DDX20: variants seen among roughly 807,000 people sequenced by gnomAD.
The protein encoded by DDX20 is DEAD-box helicase 20.
In DDX20, 61 loss-of-function variants were observed where a neutral mutation model predicts 76.4. The observed-to-expected ratio is 0.80, with a 90% CI of 0.65 to 0.99. The LOEUF is 0.99. DDX20 is among the 50% of genes least tolerant of loss of function. The pLI, the probability that DDX20 is intolerant of heterozygous loss-of-function variation, is 0.00. For synonymous variants in DDX20, 357 were observed against 357.4 expected, an observed-to-expected ratio of 1.00 and a Z score of 0.01; for missense variants, 976 against 996.8, an observed-to-expected ratio of 0.98 and a Z score of 0.28.
intron 10 of DDX20, among the ~76,000 whole-genome samples, chr1:111,763,944 A>C (rs1663724944): frequency 6.6e-6 from 1 of 152,214 alleles, no homozygotes; most frequent in South Asian, 2.1e-4. Context: ...TGTTATACAG[A>C]AAATGTGCAC....
At chr1:111,762,168 G>T in intron 7 of DDX20, 87 bp from the exon 8 acceptor site, 2 of 964,478 alleles carry the variant, frequency 2.1e-6, no homozygotes, top group Non-Finnish European at 3.2e-6. Flanking sequence ...GTTAAGACTG[G>T]GTGTTATGCT....
chr1:111,756,340 A>C (rs1203478073), intron 1 of DDX20, 115 bp downstream of exon 1: 3 of 1,098,014 alleles, frequency 2.7e-6, no homozygotes, highest in Non-Finnish European at 3.7e-6. Context: ...CGGCCCCCGG[A>C]GCAGGGCCCT....
At position 111,766,745 on chromosome 1, in the gene DDX20, A is replaced by G. The variant is rs751643025; in HGVS notation, c.2321A>G (p.Glu774Gly). The change falls in exon 11 of 11, where the codon GAG becomes GGG. Residue 774 changes from glutamate to glycine, a missense_variant. Physicochemically the swap from Glu to Gly is moderately conservative, Grantham distance 98. This residue lies in a region of DDX20 where 630 missense variants were observed against 693.7 expected (regional missense o/e 0.91). Coordinates refer to ENST00000369702, the MANE Select transcript of DDX20 (RefSeq NM_007204.5). ...TTTTCTGATACCTATCAGGATTATG[A>G]GGAGTACTGGAGAGCTTACTACAGG... Reference protein sequence around the residue: ...LSFSDTYQDYEEYWRAYYRAW... With the variant: ...LSFSDTYQDYGEYWRAYYRAW... The G allele has an allele frequency of 1.9e-6, 3 of 1,614,100 alleles. No homozygotes were observed. In the African/African-American group the frequency reaches 4.0e-5, roughly 22 times the overall value.
rs1174563892 is a variant in DDX20 at position 111,766,967 on chromosome 1, G to A, written c.*68G>A. ...ATACCTTTGGATATCCATCCTCCTC[G>A]ACTTATAGTACAGTGGTGTATAGTG... On this transcript the variant is annotated 3_prime_UTR_variant, in exon 11 of 11. Coordinates refer to ENST00000369702, the MANE Select transcript of DDX20 (RefSeq NM_007204.5). 2.3e-6 allele frequency: 3 copies of A among 1,286,744 alleles called. No individual in the cohort carries two copies. Among genetic ancestry groups the A allele is most frequent in the Non-Finnish European group, 3.3e-6 (3 of 917,398 alleles). 79.7% of individuals were successfully genotyped at this position (1,286,744 alleles called of 1,614,324 possible).
rs1486355426 is a variant in DDX20, at chr1:111,766,693, G to A, written c.2269G>A (p.Asp757Asn). The A allele has an allele frequency of 6.2e-7, 1 of 1,614,042 alleles. No homozygotes were observed. The highest frequency in any genetic ancestry group is 8.5e-7 in the Non-Finnish European group (1 of 1,180,002). Residue 757 changes from aspartate to asparagine, a missense_variant, in exon 11 of 11, where the codon GAC (aspartate) becomes AAC (asparagine). Coordinates refer to ENST00000369702, the MANE Select transcript of DDX20 (RefSeq NM_007204.5). The stretch of plus-strand genomic sequence containing the variant: ...TGAAGCCCAGGAAGATGATTGGTAT[G>A]ACTGTCATAGGGAAATACGTCTGAG... ...QTEAQEDDWY[D>N]CHREIRLSFS... is the part of the protein sequence containing the mutation.
At chr1:111,756,824 C>A in intron 2 of DDX20, 84 bp downstream of exon 2, 1 of 1,153,320 alleles carries the variant, frequency 8.7e-7, no homozygotes, top group Non-Finnish European at 1.3e-6. Context: ...CTCCTCAGAG[C>A]TGGAAGTGAA....
rs1663705218 is a variant in DDX20 at position 111,762,928 on chromosome 1, C to T, written c.1233C>T (p.Thr411=). Residue 411 remains threonine, a synonymous_variant, in exon 10 of 11, where the codon ACC becomes ACT. Coordinates refer to ENST00000369702, the MANE Select transcript of DDX20 (RefSeq NM_007204.5). ...GRFGTLGLTV[T]YCCRGEEENM... ...TAGGTACATTGGGGCTGACAGTGACCTACTGTTGCCGGGGAGAGGAAGAAA... is the reference window on the plus strand; with the variant it reads ...TAGGTACATTGGGGCTGACAGTGACTTACTGTTGCCGGGGAGAGGAAGAAA... 2.5e-6 allele frequency: 4 copies of T among 1,613,850 alleles called. No homozygotes were observed. Among genetic ancestry groups the T allele is most frequent in the Non-Finnish European group, 3.4e-6 (4 of 1,179,926 alleles).
chr1:111,758,022 A>AT (rs1303810315), intron 2 of DDX20, among the ~76,000 whole-genome samples: 1 of 142,658 alleles, frequency 7.0e-6, no homozygotes, highest in Non-Finnish European at 1.5e-5. Context: ...CGCCCGGCTA[A>AT]TTTTTTTGTA....
At chr1:111,764,928 A>G (rs1663747994) in intron 10 of DDX20, among the ~76,000 whole-genome samples, 1 of 152,226 alleles carries the variant, frequency 6.6e-6, no homozygotes, top group South Asian at 2.1e-4. Context: ...TAATCATAGA[A>G]TCTGTTCAGC....
In DDX20 at chr1:111,767,718, A is replaced by G. The variant is rs1288325405; in HGVS notation, c.*819A>G. The G allele has an allele frequency of 6.6e-6, 1 of 152,200 alleles. No homozygotes were observed. Among genetic ancestry groups the G allele is most frequent in the Non-Finnish European group, 1.5e-5 (1 of 68,040 alleles). 9.4% of individuals were successfully genotyped at this position (152,200 alleles called of 1,614,324 possible). A position where few individuals can be genotyped will look rare whatever the true frequency, so the allele number is the denominator to read the frequency against. ...TCCATAAGCACAGAATTGTGAGTGT[A>G]ATTTCAAGGGGTTCATAGACCCTCT... On this transcript the variant is annotated 3_prime_UTR_variant, in exon 11 of 11. Transcript: ENST00000369702.
At chr1:111,763,183 G>A (rs183016109) in intron 10 of DDX20, among the ~76,000 whole-genome samples, 176 bp downstream of exon 10, 434 of 152,276 alleles carry the variant, frequency 2.9e-3, no homozygotes, top group African/African-American at 9.3e-3. Context: ...CAATTGTTTT[G>A]TAGATGAGGA....
At chr1:111,759,780 CT>C (rs1663632517) in intron 3 of DDX20, among the ~76,000 whole-genome samples, 1 of 151,558 alleles carries the variant, frequency 6.6e-6, no homozygotes, top group East Asian at 1.9e-4. Context: ...CGAGACCATC[CT>C]GGCTAACATG....
In DDX20 at chr1:111,760,860, T is replaced by C. The variant is rs1663658781; in HGVS notation, c.823+12T>C. 1.2e-6 allele frequency: 2 copies of C among 1,600,376 alleles called. No individual in the cohort carries two copies. Among genetic ancestry groups the C allele is most frequent in the Non-Finnish European group, 1.7e-6 (2 of 1,174,718 alleles). The stretch of plus-strand genomic sequence containing the variant: ...TCCAAGTCTCATAGGTGTGTACAGC[T>C]TTTAGGTACTTATATTATTGGTTTA... On this transcript the variant is annotated intron_variant, in intron 5 of 10. Transcript: ENST00000369702.
At chr1:111,760,088 G>C (rs1663641513) in intron 3 of DDX20, among the ~76,000 whole-genome samples, 1 of 151,908 alleles carries the variant, frequency 6.6e-6, no homozygotes, top group African/African-American at 2.4e-5. Flanking sequence ...TGTTTGAGAA[G>C]ACATGGGATA....
At chr1:111,756,593 CTAAGTTGCTTCAG>C in intron 1 of DDX20, 40 bp from the exon 2 acceptor site, 1 of 1,489,028 alleles carries the variant, frequency 6.7e-7, no homozygotes, top group Non-Finnish European at 9.4e-7. Flanking sequence ...ATGTTAGCCC[CTAAGTTGCTTCAG>C]TGAGTACTGG....
Position 111,760,766 on chromosome 1 carries a change from C to G in DDX20, c.741C>G (p.Pro247=). The G allele has an allele frequency of 1.2e-6, 2 of 1,613,718 alleles. No individual in the cohort carries two copies. Among genetic ancestry groups the G allele is most frequent in the South Asian group, 2.2e-5 (2 of 90,968 alleles). Residue 247 remains proline (P), a synonymous_variant, in exon 5 of 11, where the codon CCC becomes CCG. Transcript: ENST00000369702. ...TGCTGGCAGTATCAGCTACTTATCC[C>G]GAATTTTTGGCTAATGCTTTGACAA... is the stretch of plus-strand genomic sequence containing the variant. The part of the protein sequence containing the change: ...KQMLAVSATY[P]EFLANALTKY...
rs1480656591 is a variant in DDX20, at chr1:111,759,452, T to A, written c.449T>A (p.Ile150Asn). 1.9e-6 allele frequency: 3 copies of A among 1,613,640 alleles called. No individual in the cohort carries two copies. Among genetic ancestry groups the A allele is most frequent in the Admixed American group, 3.3e-5 (2 of 59,978 alleles). Reference sequence around the variant, plus strand: ...ATTGCTGTACAGATACATTCTGTTATTACAGCCATTGGAATAAAAATGGAA... The same window carrying A: ...ATTGCTGTACAGATACATTCTGTTAATACAGCCATTGGAATAAAAATGGAA... ...REIAVQIHSVITAIGIKMEGL... is the reference protein window; with the variant it reads ...REIAVQIHSVNTAIGIKMEGL... The change falls in exon 3 of 11, where the codon ATT becomes AAT. Residue 150 changes from isoleucine to asparagine, a missense_variant. Coordinates refer to ENST00000369702, the MANE Select transcript of DDX20 (RefSeq NM_007204.5).
chr1:111,759,115 ATAAT>A (rs1478703811), intron 2 of DDX20, among the ~76,000 whole-genome samples: 1 of 152,238 alleles, frequency 6.6e-6, no homozygotes, highest in African/African-American at 2.4e-5. Flanking sequence ...GGTATTATAA[ATAAT>A]CTAGAGATGG....
intron 10 of DDX20, among the ~76,000 whole-genome samples, chr1:111,765,448 A>G (rs1663759262): frequency 6.6e-6 from 1 of 152,078 alleles, no homozygotes; most frequent in Non-Finnish European, 1.5e-5. Flanking sequence ...AAGATGGGAG[A>G]ATTGTTGCAG....
Sources: gnomAD v4.1 joint callset for allele counts (sites outside exome capture counted in the v4.1 genomes callset) on GRCh38, gnomAD v4.1.1 for gene constraint, gnomAD v4.1.1 regional missense constraint, MANE v1.5 for transcripts, NCBI Gene and HGNC (gene_info 2026-07-23, HGNC 2026-07-21) for gene names.